Variants in USP42 observed in about 807,000 individuals in gnomAD.
USP42 encodes the protein ubiquitin specific peptidase 42.
USP42 carries 23 observed loss-of-function variants against 113.0 expected under a neutral mutation model. The observed-to-expected ratio is 0.20, with a 90% CI of 0.15 to 0.29. USP42 has a LOEUF of 0.29. Among genes scored for constraint, USP42 ranks in the 10% least tolerant of loss-of-function variants. The pLI is 1.00. For missense variants in USP42, 2,174 were observed against 1,779.8 expected, an observed-to-expected ratio of 1.22 and a Z score of -3.99; for synonymous variants, 933 against 699.0, an observed-to-expected ratio of 1.33 and a Z score of -5.28.
rs192185703 is a variant in USP42 at position 6,121,711 on chromosome 7, C to G, written c.442+6188C>G. Among the ~76,000 whole-genome samples the G allele has an allele frequency of 9.1e-4, 138 of 152,330 alleles. 1 individual carries two copies. Among genetic ancestry groups the G allele is most frequent in the African/African-American group, 3.3e-3 (136 of 41,582 alleles). On this transcript the variant is annotated intron_variant, in intron 3 of 17. Transcript: ENST00000306177. ...ACAGGATCTTGCTCTTTTGCCCAGG[C>G]TGGAGTACAGTGGCAAGATCATACC...
At chr7:6,130,248 C>T (rs1179780940) in intron 3 of USP42, among the ~76,000 whole-genome samples, 4 of 152,232 alleles carry the variant, frequency 2.6e-5, no homozygotes, top group Admixed American at 6.5e-5. Context: ...GAAGTGATGT[C>T]AGATGGAGTA....
the USP42 span, chr7:6,084,646 T>C: frequency 1.3e-5 from 2 of 151,252 alleles, no homozygotes; most frequent in Admixed American, 1.3e-4. Flanking sequence ...CCATCGCACC[T>C]GGCTGTTTGT....
At chr7:6,121,480 T>G (rs1043069179) in intron 3 of USP42, among the ~76,000 whole-genome samples, 1 of 152,172 alleles carries the variant, frequency 6.6e-6, no homozygotes, top group East Asian at 1.9e-4. Flanking sequence ...TTTTTCTTGT[T>G]TTGGCATTAG....
At position 6,154,518 on chromosome 7, in the gene USP42, C is replaced by T. The variant is rs754585183; in HGVS notation, c.2964C>T (p.Arg988=). 8 of 1,541,092 alleles carry T rather than the reference C, an allele frequency of 5.2e-6. No individual in the cohort carries two copies. The highest frequency in any genetic ancestry group is 4.0e-5 in the Admixed American group (2 of 50,458). The change falls in exon 15 of 18, where the codon CGC becomes CGT. Residue 988 remains arginine (R), a synonymous_variant. Transcript: ENST00000306177. ...GGCGCCGCACCTGCCCCCGGGAGCG[C>T]GACCGCCAGGACCGCCACGCCCCGG... is the stretch of plus-strand genomic sequence containing the variant. The part of the protein sequence containing the change: ...HRRRRTCPRE[R]DRQDRHAPEH...
At chr7:6,088,491 C>T in the USP42 span, among the ~76,000 whole-genome samples, 3 of 151,062 alleles carry the variant, frequency 2.0e-5, no homozygotes, top group South Asian at 2.1e-4. Flanking sequence ...CTCCTGAGTT[C>T]AGGTGATCAC....
At chr7:6,115,001 T>A (rs1362716565) in intron 2 of USP42, among the ~76,000 whole-genome samples, 6 of 152,016 alleles carry the variant, frequency 3.9e-5, no homozygotes, top group Non-Finnish European at 8.8e-5. Context: ...TATATATATA[T>A]TTTTTTAAGC....
chr7:6,106,895 C>G (rs1367864530), intron 1 of USP42, among the ~76,000 whole-genome samples: 1 of 152,170 alleles, frequency 6.6e-6, no homozygotes, highest in Non-Finnish European at 1.5e-5. Flanking sequence ...GCTCTTGTAA[C>G]TTTTATATAT....
chr7:6,125,183 C>CAAAAAA (rs56776147), intron 3 of USP42, among the ~76,000 whole-genome samples: 2 of 38,750 alleles, frequency 5.2e-5, no homozygotes. Context: ...TCTGTCTCAA[C>CAAAAAA]AAAAAAAAAA....
At chr7:6,148,957 A>G (rs1039973948) in intron 12 of USP42, among the ~76,000 whole-genome samples, 2 of 152,144 alleles carry the variant, frequency 1.3e-5, no homozygotes, top group Admixed American at 6.5e-5. Flanking sequence ...GAAGCTTTCC[A>G]GTGTTAGGAT....
chr7:6,154,492 C>T lies in USP42; in HGVS notation c.2938C>T (p.Arg980Trp), dbSNP rs374270947. The change falls in exon 15 of 18, where the codon CGG becomes TGG. Residue 980 changes from arginine to tryptophan, a missense_variant. Physicochemically the swap from Arg to Trp is moderately radical, Grantham distance 101. Transcript: ENST00000306177. ...CAAGACTGAGGGCCACCGTCACCGG[C>T]GGCGCCGCACCTGCCCCCGGGAGCG... ...RSKTEGHRHRRRRTCPRERDR... is the reference protein window; with the variant it reads ...RSKTEGHRHRWRRTCPRERDR... The T allele has an allele frequency of 4.1e-5, 63 of 1,545,398 alleles. No individual in the cohort carries two copies. Among genetic ancestry groups the T allele is most frequent in the Middle Eastern group, 3.5e-4 (2 of 5,724 alleles).
At chr7:6,144,307 TATTAC>T in intron 9 of USP42, 111 bp downstream of exon 9, 1 of 679,184 alleles carries the variant, frequency 1.5e-6, no homozygotes, top group Non-Finnish European at 2.4e-6. Context: ...AATTGCTAAC[TATTAC>T]CTACATTTGG....
At chr7:6,149,115 G>T (rs929982970) in intron 12 of USP42, among the ~76,000 whole-genome samples, 1 of 152,196 alleles carries the variant, frequency 6.6e-6, no homozygotes, top group Non-Finnish European at 1.5e-5. Context: ...TGGAGACGTT[G>T]TGGGGCAGTG....
Position 6,154,052 on chromosome 7 carries a change from A to G in USP42, c.2498A>G (p.Gln833Arg), listed in dbSNP as rs1300319432. ...SLTGDASPLSQDAKGMIAEGP... is the reference protein window; with the variant it reads ...SLTGDASPLSRDAKGMIAEGP... ...ACAGGCGATGCGAGCCCGTTGTCCCAGGACGCAAAGGGGATGATCGCGGAG... is the reference window on the plus strand; with the variant it reads ...ACAGGCGATGCGAGCCCGTTGTCCCGGGACGCAAAGGGGATGATCGCGGAG... The change falls in exon 15 of 18, where the codon CAG becomes CGG. Residue 833 changes from glutamine (Q) to arginine (R), a missense_variant. Physicochemically the swap from Gln to Arg is conservative, Grantham distance 43. Transcript: ENST00000306177. 1.2e-6 allele frequency: 2 copies of G among 1,605,854 alleles called. No individual in the cohort carries two copies. The highest frequency in any genetic ancestry group is 1.7e-6 in the Non-Finnish European group (2 of 1,179,298).
In USP42 at chr7:6,131,273, C is replaced by T. The variant is rs137992484; in HGVS notation, c.443-4568C>T. ...GGTGGATCACTTGAGCCCAGGAGTC[C>T]GAGACCAGCCTGGCCAACATGGTGA... On this transcript the variant is annotated intron_variant, in intron 3 of 17. Coordinates refer to ENST00000306177, the MANE Select transcript of USP42 (RefSeq NM_032172.3). Among the ~76,000 whole-genome samples the T allele has an allele frequency of 2.5e-3, 380 of 152,108 alleles. 6 individuals are homozygous for T. The highest frequency in any genetic ancestry group is 8.6e-3 in the African/African-American group (357 of 41,480).
intron 3 of USP42, among the ~76,000 whole-genome samples, chr7:6,133,049 A>G (rs1780938012): frequency 6.6e-6 from 1 of 152,158 alleles, no homozygotes; most frequent in Non-Finnish European, 1.5e-5. Context: ...AGTTTTCTTC[A>G]TGTTTCTACT....
Position 6,154,885 on chromosome 7 carries a change from C to G in USP42, c.3331C>G (p.Arg1111Gly). ...RGCEPARERE[R>G]HRPSSPRAGA... Reference sequence around the variant, plus strand: ...CTGCGAGCCGGCCCGGGAGAGGGAGCGGCACCGCCCCAGCAGCCCCCGCGC... The same window carrying G: ...CTGCGAGCCGGCCCGGGAGAGGGAGGGGCACCGCCCCAGCAGCCCCCGCGC... Residue 1111 changes from arginine (R) to glycine (G), a missense_variant, in exon 15 of 18, where the codon CGG becomes GGG. Transcript: ENST00000306177. The G allele has an allele frequency of 2.6e-6, 4 of 1,533,656 alleles. No individual in the cohort carries two copies. The highest frequency in any genetic ancestry group is 3.5e-6 in the Non-Finnish European group (4 of 1,138,616).
chr7:6,106,826 A>G (rs951986804), intron 1 of USP42, among the ~76,000 whole-genome samples: 1 of 151,796 alleles, frequency 6.6e-6, no homozygotes, highest in African/African-American at 2.4e-5. Context: ...TTGGCCTCCC[A>G]AAGTGTTGGG....
chr7:6,145,135 C>A (rs531230593), intron 9 of USP42, among the ~76,000 whole-genome samples: 1 of 152,024 alleles, frequency 6.6e-6, no homozygotes, highest in South Asian at 2.1e-4. Flanking sequence ...CGTTCAAGAC[C>A]AGCCTAGCCA....
chr7:6,125,674 TTACC>T (rs1456973017), intron 3 of USP42, among the ~76,000 whole-genome samples: 2 of 152,218 alleles, frequency 1.3e-5, no homozygotes, highest in Non-Finnish European at 2.9e-5. Flanking sequence ...TCATTTCTGT[TTACC>T]TACTTGTTTA....
Sources: allele counts gnomAD v4.1 joint callset (sites outside exome capture counted in the v4.1 genomes callset), GRCh38; gene constraint gnomAD v4.1.1; transcripts MANE v1.5; gene names NCBI Gene and HGNC (gene_info 2026-07-23, HGNC 2026-07-21).